CRBN: variants seen among roughly 807,000 people sequenced by gnomAD.
CRBN encodes the protein protein cereblon.
Under a neutral mutation model 62.2 loss-of-function variants are expected in CRBN, and 53 were observed. That is an observed-to-expected ratio of 0.85 (90% CI 0.68 to 1.07). The LOEUF (loss-of-function observed/expected upper bound fraction) is 1.07. CRBN is among the 50% of genes least tolerant of loss of function. CRBN has a pLI of 0.00. For missense variants in CRBN, 616 were observed against 531.1 expected (o/e 1.16, Z -1.57); for synonymous variants, 208 against 176.1 (o/e 1.18, Z -1.43).
chr3:3,175,961 T>C (rs1707810922), intron 1 of CRBN, among the ~76,000 whole-genome samples: 1 of 152,202 alleles, frequency 6.6e-6, no homozygotes, highest in Non-Finnish European at 1.5e-5. Context: ...TATTATGAAC[T>C]ATTCCTGCTG....
rs1706458807 is a variant in CRBN, at chr3:3,150,629, AGCTACCCAAGTAGAT to A, written c.*221_*235del. The A allele has an allele frequency of 2.2e-6, 1 of 449,396 alleles. No individual in the cohort carries two copies. Among genetic ancestry groups the A allele is most frequent in the South Asian group, 2.2e-5 (1 of 45,124 alleles). 27.8% of individuals were successfully genotyped at this position (449,396 alleles called of 1,614,324 possible). On this transcript the variant is annotated 3_prime_UTR_variant, in exon 11 of 11. Coordinates refer to ENST00000231948, the MANE Select transcript of CRBN (RefSeq NM_016302.4). The stretch of plus-strand genomic sequence containing the variant: ...CAGATTCCACAGGATAATGGCACCA[AGCTACCCAAGTAGAT>A]GTTTCTGGTATTCTAGACTGCCGTT...
Position 3,153,498 on chromosome 3 carries a change from T to C in CRBN, c.952-10A>G, listed in dbSNP as rs1356313067. On this transcript the variant is annotated splice_polypyrimidine_tract_variant and intron_variant, in intron 8 of 10. Transcript: ENST00000231948. ...AGCAAAGGGAAGTACACTAAAAGAT[T>C]TGAGAGAAAAATTATTGGTAGGAAA... 6.5e-7 allele frequency: 1 copy of C among 1,527,124 alleles called. No homozygotes were observed. Among genetic ancestry groups the C allele is most frequent in the Non-Finnish European group, 9.1e-7 (1 of 1,101,198 alleles). The allele number at this position is 1,527,124 out of a possible 1,614,324, so 94.6% of individuals were successfully genotyped here.
At chr3:3,175,083 ATCAG>A in intron 2 of CRBN, 76 bp downstream of exon 2, 1 of 941,448 alleles carries the variant, frequency 1.1e-6, no homozygotes. Context: ...TAATACAAAT[ATCAG>A]TCACTTGTTT....
chr3:3,167,370 G>C (rs993375802), intron 5 of CRBN: 10 of 334,860 alleles, frequency 3.0e-5, no homozygotes, highest in African/African-American at 1.5e-4. Flanking sequence ...ATTTCCCATG[G>C]AATTAAAAAT....
intron 1 of CRBN, among the ~76,000 whole-genome samples, chr3:3,175,499 A>G (rs1005652523): frequency 1.3e-5 from 2 of 152,110 alleles, no homozygotes; most frequent in Non-Finnish European, 2.9e-5. Context: ...TTTACAGAGA[A>G]GTGTAAAGAT....
At chr3:3,170,774 C>T (rs1707574086) in intron 4 of CRBN, among the ~76,000 whole-genome samples, 2 of 152,110 alleles carry the variant, frequency 1.3e-5, no homozygotes, top group Admixed American at 1.3e-4. Flanking sequence ...GTGCCCTTTC[C>T]AAGTCTTGTC....
intron 9 of CRBN, chr3:3,152,965 A>G (rs1384183250): frequency 6.6e-6 from 2 of 305,060 alleles, no homozygotes; most frequent in Non-Finnish European, 1.2e-5. Context: ...TGCAGAAAGC[A>G]GTTTCCTTAC....
intron 9 of CRBN, chr3:3,152,913 T>A: frequency 2.7e-6 from 1 of 370,310 alleles, no homozygotes; most frequent in Non-Finnish European, 5.1e-6. Flanking sequence ...GTAAGTGCAA[T>A]GACAAGGTCC....
intron 4 of CRBN, 81 bp downstream of exon 4, chr3:3,172,695 C>G (rs1707670480): frequency 2.1e-6 from 3 of 1,406,922 alleles, no homozygotes; most frequent in Non-Finnish European, 3.0e-6. Context: ...AATATGAAGG[C>G]TCAGTAGAAC....
rs112201897 is a variant in CRBN at position 3,172,991 on chromosome 3, C to T, written c.378-66G>A. 521 of 1,217,940 alleles carry T rather than the reference C, an allele frequency of 4.3e-4. 2 individuals carry two copies. The African/African-American group carries it at 6.8e-3, about 16-fold the overall frequency. 75.4% of individuals were successfully genotyped at this position (1,217,940 alleles called of 1,614,324 possible). ...GAGTTTTAAATATATGCAAAGTAGG[C>T]AAAGCAATAAATACAGGTAAACAAT... On this transcript the variant is annotated intron_variant, in intron 3 of 10. Coordinates refer to ENST00000231948, the MANE Select transcript of CRBN (RefSeq NM_016302.4).
At chr3:3,175,293 A>T (rs771791308) in intron 1 of CRBN, 24 bp from the exon 2 acceptor site, 5 of 870,736 alleles carry the variant, frequency 5.7e-6, no homozygotes, top group South Asian at 1.9e-5. Flanking sequence ...ATATTGTAAG[A>T]AAAAAAAAAA....
chr3:3,167,561 T>G (rs1707398115), intron 5 of CRBN, 73 bp downstream of exon 5: 7 of 1,437,350 alleles, frequency 4.9e-6, no homozygotes, highest in Non-Finnish European at 6.8e-6. Flanking sequence ...GAAAGTTGTG[T>G]TTCTTTCTTA....
Position 3,178,301 on chromosome 3 carries a change from A to C in CRBN, c.67+1320T>G, listed in dbSNP as rs1040629054. Among the ~76,000 whole-genome samples the C allele has an allele frequency of 2.0e-5, 3 of 152,210 alleles. No individual in the cohort carries two copies. The South Asian group carries it at 6.2e-4, about 32-fold the overall frequency. ...AGTGACTATGGTTTATTTTTACAGA[A>C]AAGTTCTCTCCTATATGGTGGGCAC... On this transcript the variant is annotated intron_variant, in intron 1 of 10. Coordinates refer to ENST00000231948, the MANE Select transcript of CRBN (RefSeq NM_016302.4).
chr3:3,151,827 G>GCAAA (rs10659250), intron 10 of CRBN, among the ~76,000 whole-genome samples: 18 of 147,694 alleles, frequency 1.2e-4, no homozygotes, highest in South Asian at 4.3e-4. Context: ...TTAAGCTGAA[G>GCAAA]CAAACAAACA....
intron 4 of CRBN, among the ~76,000 whole-genome samples, chr3:3,170,021 C>T (rs1182775221): frequency 2.0e-5 from 3 of 151,602 alleles, no homozygotes; most frequent in Non-Finnish European, 2.9e-5. Flanking sequence ...TCACTGTTGG[C>T]GAAGCTGGAG....
In CRBN at chr3:3,150,263, A is replaced by ACTATT. The variant is rs1454942941; in HGVS notation, c.*597_*601dup. On this transcript the variant is annotated 3_prime_UTR_variant, in exon 11 of 11. Coordinates refer to ENST00000231948, the MANE Select transcript of CRBN (RefSeq NM_016302.4). ...TAACAGGCACATAAAGGAAATGACA[A>ACTATT]CTATTCGTGGGCTCAAAAAACTGCA... 6.5e-6 allele frequency: 1 copy of ACTATT among 152,724 alleles called. No individual in the cohort carries two copies. The highest frequency in any genetic ancestry group is 2.4e-5 in the African/African-American group (1 of 41,442). 9.5% of individuals were successfully genotyped at this position (152,724 alleles called of 1,614,324 possible). A position where few individuals can be genotyped will look rare whatever the true frequency, so the allele number is the denominator to read the frequency against.
chr3:3,155,393 T>A (rs1706841067), intron 6 of CRBN: 2 of 154,972 alleles, frequency 1.3e-5, no homozygotes, highest in South Asian at 3.9e-4. Context: ...AGTGATTCAT[T>A]AAGGGAAATG....
intron 10 of CRBN, among the ~76,000 whole-genome samples, 154 bp downstream of exon 10, chr3:3,152,302 G>T (rs189302157): frequency 6.6e-6 from 1 of 151,550 alleles, no homozygotes; most frequent in Non-Finnish European, 1.5e-5. Context: ...ACAGACCCCT[G>T]CCCCCATACC....
At chr3:3,179,495 G>T in intron 1 of CRBN, 126 bp downstream of exon 1, 1 of 847,056 alleles carries the variant, frequency 1.2e-6, no homozygotes, top group Non-Finnish European at 1.9e-6. Context: ...GCTTTCCGGT[G>T]CGGCCCTGCT....
Sources: gnomAD v4.1 joint callset for allele counts (sites outside exome capture counted in the v4.1 genomes callset) on GRCh38, gnomAD v4.1.1 for gene constraint, MANE v1.5 for transcripts, NCBI Gene and HGNC (gene_info 2026-07-23, HGNC 2026-07-21) for gene names.